The following INPP4B variants were observed in gnomAD, a reference collection of about 807,000 sequenced individuals.
The protein encoded by INPP4B is inositol polyphosphate-4-phosphatase type II B, also known as inositol polyphosphate 4-phosphatase type II.
A neutral mutation model predicts 122.5 loss-of-function variants in INPP4B; 55 were observed. The ratio of observed to expected loss-of-function variants is 0.45; its 90% CI spans 0.36 to 0.56. The LOEUF (loss-of-function observed/expected upper bound fraction) is 0.56. Among genes scored for constraint, INPP4B ranks in the 20% least tolerant of loss-of-function variants. The pLI, the probability that INPP4B is intolerant of heterozygous loss-of-function variation, is 0.00. For synonymous variants in INPP4B, 403 were observed against 388.7 expected (o/e 1.04, Z -0.43); for missense variants, 1,000 against 1,097.7 (o/e 0.91, Z 1.26).
At chr4:142,428,194 T>C (rs924508009) in intron 5 of INPP4B, among the ~76,000 whole-genome samples, 1 of 151,322 alleles carries the variant, frequency 6.6e-6, no homozygotes, top group African/African-American at 2.4e-5. Flanking sequence ...TAAAAATGCA[T>C]GTTCCTAAAA....
chr4:142,042,581 T>A (rs910781325), intron 25 of INPP4B, among the ~76,000 whole-genome samples: 1 of 148,800 alleles, frequency 6.7e-6, no homozygotes, highest in Non-Finnish European at 1.5e-5. Flanking sequence ...TATTTATTTT[T>A]AGACAGAGTC....
intron 1 of INPP4B, among the ~76,000 whole-genome samples, chr4:142,773,936 C>G (rs1773466505): frequency 6.6e-6 from 1 of 151,462 alleles, no homozygotes; most frequent in Non-Finnish European, 1.5e-5. Flanking sequence ...GAATTGGCCT[C>G]AAGCATCATT....
At chr4:142,327,426 A>G (rs1772795500) in intron 7 of INPP4B, among the ~76,000 whole-genome samples, 1 of 151,918 alleles carries the variant, frequency 6.6e-6, no homozygotes, top group Non-Finnish European at 1.5e-5. Context: ...CCTACAAAGT[A>G]TGTATTTACA....
At position 142,268,322 on chromosome 4, in the gene INPP4B, C is replaced by CAAAAAAAAAAAA. The variant is rs56908599; in HGVS notation, c.615+2329_615+2340dup. Among the ~76,000 whole-genome samples the CAAAAAAAAAAAA allele has an allele frequency of 1.7e-3, 12 of 6,902 alleles. 2 individuals are homozygous for CAAAAAAAAAAAA. The highest frequency in any genetic ancestry group is 6.9e-3 in the Admixed American group (2 of 288). The allele number at this position is 6,902 out of a possible 152,430, so 4.5% of individuals were successfully genotyped here. A position where few individuals can be genotyped will look rare whatever the true frequency, so the allele number is the denominator to read the frequency against. On this transcript the variant is annotated intron_variant, in intron 10 of 25. Coordinates refer to ENST00000262992, the MANE Select transcript of INPP4B (RefSeq NM_001101669.3). Reference sequence around the variant, plus strand: ...TGGGTGACAGAGCAAGACTCCGTCTCAAAAAAAAAAAAAAAAAAAAAAAAT... The same window carrying CAAAAAAAAAAAA: ...TGGGTGACAGAGCAAGACTCCGTCTCAAAAAAAAAAAAAAAAAAAAAAAAAAAAAAAAAAAAT...
At chr4:142,398,401 A>AAAAAAAAATATATATAT (rs1800278058) in intron 7 of INPP4B, among the ~76,000 whole-genome samples, 1 of 28,500 alleles carries the variant, frequency 3.5e-5, no homozygotes, top group African/African-American at 1.2e-4. Context: ...AAAAAAAAAA[A>AAAAAAAAATATATATAT]ATATATATAT....
chr4:142,729,140 A>C (rs1472761925), intron 1 of INPP4B, among the ~76,000 whole-genome samples: 1 of 152,148 alleles, frequency 6.6e-6, no homozygotes, highest in Non-Finnish European at 1.5e-5. Flanking sequence ...AAGAGGGTTC[A>C]TGCTCCTATG....
chr4:142,066,304 G>A (rs187065287), intron 25 of INPP4B, among the ~76,000 whole-genome samples: 1 of 152,242 alleles, frequency 6.6e-6, no homozygotes, highest in Admixed American at 6.5e-5. Flanking sequence ...TTAAATGGGT[G>A]GGTGTTATAG....
intron 7 of INPP4B, among the ~76,000 whole-genome samples, chr4:142,328,911 C>G (rs1773428968): frequency 6.6e-6 from 1 of 152,152 alleles, no homozygotes; most frequent in Admixed American, 6.5e-5. Context: ...CTTTTTAAGA[C>G]AGCTTCTTTC....
chr4:142,665,493 CAAAAAAAA>C (rs11417876), intron 2 of INPP4B, among the ~76,000 whole-genome samples: 1 of 107,786 alleles, frequency 9.3e-6, no homozygotes. Context: ...GACTCTGTCT[CAAAAAAAA>C]AAAAAAAAAG....
At chr4:142,173,884 T>C in intron 15 of INPP4B, 75 bp from the exon 16 acceptor site, 7 of 1,168,314 alleles carry the variant, frequency 6.0e-6, no homozygotes, top group Non-Finnish European at 8.9e-6. Context: ...AGATGGCAAA[T>C]GATAAACAGA....
chr4:142,343,383 C>G (rs1368502327), intron 7 of INPP4B, among the ~76,000 whole-genome samples: 2 of 151,872 alleles, frequency 1.3e-5, no homozygotes, highest in African/African-American at 2.4e-5. Flanking sequence ...TATTGATTCT[C>G]TAGAGATGAA....
intron 9 of INPP4B, among the ~76,000 whole-genome samples, chr4:142,300,508 TTGGATCTTACATC>T (rs1440859741): frequency 2.6e-5 from 4 of 152,132 alleles, no homozygotes; most frequent in African/African-American, 9.7e-5. Context: ...ACCTCACAAT[TTGGATCTTACATC>T]TCTAGGCATA....
At chr4:142,056,557 G>C (rs145099949) in intron 25 of INPP4B, among the ~76,000 whole-genome samples, 5 of 152,128 alleles carry the variant, frequency 3.3e-5, no homozygotes, top group African/African-American at 1.2e-4. Flanking sequence ...GTAAGTGATA[G>C]GAACATGAAA....
At chr4:142,296,043 C>A (rs1192392692) in intron 9 of INPP4B, among the ~76,000 whole-genome samples, 1 of 151,680 alleles carries the variant, frequency 6.6e-6, no homozygotes, top group African/African-American at 2.4e-5. Context: ...GCAGGTAGGT[C>A]TTTGTGTACA....
chr4:142,721,999 A>G (rs1764749691), intron 2 of INPP4B, among the ~76,000 whole-genome samples: 1 of 152,178 alleles, frequency 6.6e-6, no homozygotes, highest in African/African-American at 2.4e-5. Flanking sequence ...TGCTTTACTC[A>G]TAAGGAAAAG....
At chr4:142,398,011 A>T (rs1045055266) in intron 7 of INPP4B, among the ~76,000 whole-genome samples, 1 of 151,990 alleles carries the variant, frequency 6.6e-6, no homozygotes, top group Non-Finnish European at 1.5e-5. Context: ...TTAGATTCTT[A>T]GAATACCAAT....
At position 142,086,259 on chromosome 4, in the gene INPP4B, G is replaced by A. The variant is rs570505505; in HGVS notation, c.2375-3C>T. ...TTGTTCCTGAAAATGTGAAATATCT[G>A]AAGGGGAAAAAACAAAGGAGAAAAA... On this transcript the variant is annotated splice_polypyrimidine_tract_variant and splice_region_variant and intron_variant, in intron 23 of 25. Transcript: ENST00000262992. 18 of 1,464,396 alleles carry A rather than the reference G, an allele frequency of 1.2e-5. No homozygotes were observed. Among genetic ancestry groups the A allele is most frequent in the South Asian group, 8.0e-5 (7 of 87,808 alleles). The allele number at this position is 1,464,396 out of a possible 1,614,324, so 90.7% of individuals were successfully genotyped here. A position where few individuals can be genotyped will look rare whatever the true frequency, so the allele number is the denominator to read the frequency against.
intron 7 of INPP4B, among the ~76,000 whole-genome samples, chr4:142,369,347 G>A (rs1415763370): frequency 2.6e-5 from 4 of 152,138 alleles, no homozygotes; most frequent in African/African-American, 9.6e-5. Context: ...ACTTTGGAAT[G>A]TTGAGGAGGG....
chr4:142,283,405 C>A (rs1579586840), intron 9 of INPP4B, among the ~76,000 whole-genome samples: 1 of 152,026 alleles, frequency 6.6e-6, no homozygotes, highest in Non-Finnish European at 1.5e-5. Flanking sequence ...AAGGAATTGG[C>A]CAAGGCTAGA....
Sources: allele counts gnomAD v4.1 joint callset (sites outside exome capture counted in the v4.1 genomes callset), GRCh38; gene constraint gnomAD v4.1.1; transcripts MANE v1.5; gene names NCBI Gene and HGNC (gene_info 2026-07-23, HGNC 2026-07-21).